Variants in NUP188 observed in about 807,000 individuals in gnomAD.
The protein encoded by NUP188 is nucleoporin 188.
Under a neutral mutation model 223.0 loss-of-function variants are expected in NUP188, and 97 were observed. That is an observed-to-expected ratio of 0.43 (90% confidence interval 0.37 to 0.51). NUP188 has a LOEUF of 0.51. Ranked by LOEUF, NUP188 falls within the 20% of genes least tolerant of loss-of-function variation. NUP188 has a pLI of 0.00. For missense variants in NUP188, 1,947 were observed against 2,175.6 expected, an observed-to-expected ratio of 0.89 and a Z score of 2.09; for synonymous variants, 869 against 828.0, an observed-to-expected ratio of 1.05 and a Z score of -0.85.
intron 4 of NUP188, 53 bp from the exon 5 acceptor site, chr9:128,956,899 C>T (rs1427846052): frequency 1.6e-5 from 20 of 1,231,352 alleles, no homozygotes; most frequent in Non-Finnish European, 2.2e-5. Context: ...AAATTCTCTG[C>T]ATCCTGTGTG....
intron 28 of NUP188, 85 bp downstream of exon 28, chr9:128,994,527 A>T: frequency 1.1e-6 from 1 of 878,416 alleles, no homozygotes; most frequent in South Asian, 1.4e-5. Context: ...GTAGACAATG[A>T]TACCTCCCCT....
rs1227170470 is a variant in NUP188 at position 128,970,744 on chromosome 9, TC to T, written c.913-13del. The T allele has an allele frequency of 6.2e-7, 1 of 1,611,876 alleles. No homozygotes were observed. Among genetic ancestry groups the T allele is most frequent in the South Asian group, 1.1e-5 (1 of 91,018 alleles). On this transcript the variant is annotated splice_polypyrimidine_tract_variant and intron_variant, in intron 10 of 43. Transcript: ENST00000372577. ...TCTGTTCGGAGATGTAGATGTGTTTTCTTCTCTCACTAGGATATGGACTGTT... is the reference window on the plus strand; with the variant it reads ...TCTGTTCGGAGATGTAGATGTGTTTTTTCTCTCACTAGGATATGGACTGTT...
intron 38 of NUP188, chr9:129,004,390 G>C (rs1381988343): frequency 6.6e-6 from 1 of 152,198 alleles, no homozygotes; most frequent in Non-Finnish European, 1.5e-5. Context: ...AGGCTCCAGA[G>C]CCAGGCAGGC....
intron 12 of NUP188, among the ~76,000 whole-genome samples, chr9:128,975,484 A>C (rs1842163311): frequency 6.6e-6 from 1 of 151,710 alleles, no homozygotes; most frequent in Non-Finnish European, 1.5e-5. Context: ...AGCCTCCCAA[A>C]GTGCTAGGAT....
intron 8 of NUP188, among the ~76,000 whole-genome samples, chr9:128,962,777 T>C (rs1744647160): frequency 6.6e-6 from 1 of 152,244 alleles, no homozygotes; most frequent in African/African-American, 2.4e-5. Flanking sequence ...TAAATTGATA[T>C]ACTTTTTAAT....
In NUP188 at chr9:128,999,610, T is replaced by C. The variant is rs751764973; in HGVS notation, c.3662-14T>C. 6.2e-6 allele frequency: 10 copies of C among 1,612,956 alleles called. No individual in the cohort carries two copies. The highest frequency in any genetic ancestry group is 2.5e-6 in the Non-Finnish European group (3 of 1,179,198). On this transcript the variant is annotated splice_polypyrimidine_tract_variant and intron_variant, in intron 33 of 43. Coordinates refer to ENST00000372577, the MANE Select transcript of NUP188 (RefSeq NM_015354.3). ...TGGTGAGCATGACAGTGTCCCTCCCTGTCTATTCTACAGTAAGTGACATCC... is the reference window on the plus strand; with the variant it reads ...TGGTGAGCATGACAGTGTCCCTCCCCGTCTATTCTACAGTAAGTGACATCC...
chr9:128,985,727 T>C (rs918809780), intron 20 of NUP188, among the ~76,000 whole-genome samples: 1 of 152,150 alleles, frequency 6.6e-6, no homozygotes, highest in Non-Finnish European at 1.5e-5. Context: ...CAGGAATCAA[T>C]GAATGCTTAA....
chr9:128,961,345 A>G (rs1841948108), intron 8 of NUP188, among the ~76,000 whole-genome samples: 1 of 150,412 alleles, frequency 6.6e-6, no homozygotes, highest in South Asian at 2.1e-4. Flanking sequence ...AATAAAAATA[A>G]AAATAAAAAT....
At chr9:128,995,968 G>C (rs1842517608) in intron 30 of NUP188, among the ~76,000 whole-genome samples, 1 of 152,076 alleles carries the variant, frequency 6.6e-6, no homozygotes, top group Admixed American at 6.6e-5. Context: ...TGCATTTCCT[G>C]GTCTTAGAAA....
At chr9:128,983,204 G>T (rs1216214229) in intron 17 of NUP188, 89 bp from the exon 18 acceptor site, 4 of 1,391,062 alleles carry the variant, frequency 2.9e-6, no homozygotes, top group Non-Finnish European at 4.1e-6. Context: ...TGAGGGGAGA[G>T]ACTGGGGAGA....
At chr9:129,005,257 C>CA in intron 39 of NUP188, 36 bp downstream of exon 39, 1 of 1,612,932 alleles carries the variant, frequency 6.2e-7, no homozygotes, top group Non-Finnish European at 8.5e-7. Context: ...TGGAATACCT[C>CA]ACGCTAGCTT....
chr9:129,006,345 A>C lies in NUP188; in HGVS notation c.5050A>C (p.Lys1684Gln). The change falls in exon 43 of 44, where the codon AAG becomes CAG. Residue 1684 changes from lysine (K) to glutamine (Q), a missense_variant. Physicochemically the swap from Lys to Gln is moderately conservative, Grantham distance 53 (BLOSUM62 1). Coordinates refer to ENST00000372577, the MANE Select transcript of NUP188 (RefSeq NM_015354.3). ...AVHPRDKQRM[K>Q]QELSSELSTL... ...GCACCCCCGGGACAAACAGCGGATG[A>C]AGCAGGAGCTCAGCTCTGAGTTGGT... The C allele has an allele frequency of 1.2e-6, 2 of 1,614,202 alleles. No individual in the cohort carries two copies. The highest frequency in any genetic ancestry group is 1.7e-6 in the Non-Finnish European group (2 of 1,180,038).
intron 10 of NUP188, 74 bp downstream of exon 10, chr9:128,969,588 A>G: frequency 1.3e-6 from 1 of 786,350 alleles, no homozygotes; most frequent in Non-Finnish European, 2.0e-6. Context: ...GAACTGCTGC[A>G]TAAAATTTTC....
intron 41 of NUP188, 96 bp downstream of exon 41, chr9:129,005,872 A>T (rs1169921083): frequency 6.8e-7 from 1 of 1,464,546 alleles, no homozygotes; most frequent in African/African-American, 1.4e-5. Context: ...CATGGTACCT[A>T]GCCTCCCAAG....
intron 39 of NUP188, 29 bp from the exon 40 acceptor site, chr9:129,005,274 C>G: frequency 1.2e-6 from 2 of 1,613,068 alleles, no homozygotes; most frequent in Non-Finnish European, 8.5e-7. Context: ...GCTTCCCAAG[C>G]TCCACCTTCA....
intron 12 of NUP188, among the ~76,000 whole-genome samples, chr9:128,976,595 C>T (rs940821191): frequency 5.3e-5 from 8 of 151,396 alleles, no homozygotes; most frequent in Non-Finnish European, 8.8e-5. Flanking sequence ...TGCTTGAACC[C>T]GGGGGGCGGA....
chr9:128,954,302 C>T (rs996741634), intron 3 of NUP188, among the ~76,000 whole-genome samples: 1 of 150,570 alleles, frequency 6.6e-6, no homozygotes, highest in Non-Finnish European at 1.5e-5. Context: ...GCAAGCTCTG[C>T]CTCCCGGGTT....
At chr9:128,984,403 G>C (rs1001525238) in intron 19 of NUP188, among the ~76,000 whole-genome samples, 2 of 152,168 alleles carry the variant, frequency 1.3e-5, no homozygotes, top group African/African-American at 4.8e-5. Context: ...TGGGATTACA[G>C]GCATGAGCCA....
At chr9:128,994,049 A>G (rs1471323082) in intron 27 of NUP188, among the ~76,000 whole-genome samples, 1 of 152,194 alleles carries the variant, frequency 6.6e-6, no homozygotes, top group African/African-American at 2.4e-5. Flanking sequence ...CACAAAGGGA[A>G]GGAGTGTTAA....
Sources: allele counts gnomAD v4.1 joint callset (sites outside exome capture counted in the v4.1 genomes callset), GRCh38; gene constraint gnomAD v4.1.1; transcripts MANE v1.5; gene names NCBI Gene and HGNC (gene_info 2026-07-23, HGNC 2026-07-21).